Variants in EPM2AIP1 observed in about 807,000 individuals in gnomAD.
EPM2AIP1 encodes EPM2A interacting protein 1, also known as EPM2A-interacting protein 1.
In EPM2AIP1, 23 loss-of-function variants were observed where a neutral mutation model predicts 44.8. That is an observed-to-expected ratio of 0.51 (90% CI 0.37 to 0.73). The LOEUF (loss-of-function observed/expected upper bound fraction) is 0.73. Ranked by LOEUF, EPM2AIP1 falls within the 30% of genes least tolerant of loss-of-function variation. The pLI, the probability that EPM2AIP1 is intolerant of heterozygous loss-of-function variation, is 0.00. For synonymous variants in EPM2AIP1, 311 were observed against 284.3 expected (o/e 1.09, Z -0.94); for missense variants, 652 against 743.9 (o/e 0.88, Z 1.44).
In EPM2AIP1 at chr3:36,992,133, T is replaced by C. The variant is rs1483348115; in HGVS notation, c.945A>G (p.Arg315=). 6.2e-7 allele frequency: 1 copy of C among 1,614,038 alleles called. No individual in the cohort carries two copies. The highest frequency in any genetic ancestry group is 1.7e-5 in the Admixed American group (1 of 60,026). ...IVLIKTRGVR[R]PEFQTLLTES... ...CCGTTAGTAAAGTCTGAAATTCAGG[T>C]CGCCTAACGCCTCTGGTCTTAATCA... The change falls in exon 1 of 1, where the codon CGA becomes CGG. Residue 315 remains arginine, a synonymous_variant. Coordinates refer to ENST00000322716, the MANE Select transcript of EPM2AIP1 (RefSeq NM_014805.4). The surrounding 1 kb of genome is among the most constrained non-coding windows in gnomAD (Gnocchi z 5.3).
At position 36,992,761 on chromosome 3, in the gene EPM2AIP1, C is replaced by A. The variant is rs1330781450; in HGVS notation, c.317G>T (p.Arg106Leu). 6.2e-7 allele frequency: 1 copy of A among 1,613,756 alleles called. No homozygotes were observed. Among genetic ancestry groups the A allele is most frequent in the Middle Eastern group, 1.7e-4 (1 of 6,060 alleles). Residue 106 changes from arginine (R) to leucine (L), a missense_variant, in exon 1 of 1, where the codon CGC becomes CTC. Coordinates refer to ENST00000322716, the MANE Select transcript of EPM2AIP1 (RefSeq NM_014805.4). The surrounding 1 kb of genome is among the most constrained non-coding windows in gnomAD (Gnocchi z 5.3). ...GCCGCGACCCTTCAAGGCCAAGAGG[C>A]GGCAGAGCCCGAGGCCTGCACGAGC... ...RAARAGLGLCRLLALKGRGWG... is the reference protein window; with the variant it reads ...RAARAGLGLCLLLALKGRGWG...
chr3:36,989,275 C>T lies in EPM2AIP1; in HGVS notation c.*1979G>A, dbSNP rs1047429269. Reference sequence around the variant, plus strand: ...ATATTCAAAGCTATTGGGAAATTACCGGTAGATTTTTCTGTTTTTTTTTTT... The same window carrying T: ...ATATTCAAAGCTATTGGGAAATTACTGGTAGATTTTTCTGTTTTTTTTTTT... On this transcript the variant is annotated 3_prime_UTR_variant, in exon 1 of 1. Transcript: ENST00000322716. The T allele has an allele frequency of 2.0e-5, 3 of 150,664 alleles. No individual in the cohort carries two copies. Among genetic ancestry groups the T allele is most frequent in the African/African-American group, 7.3e-5 (3 of 41,062 alleles). 9.3% of individuals were successfully genotyped at this position (150,664 alleles called of 1,614,324 possible).
rs1255221823 is a variant in EPM2AIP1, at chr3:36,992,756, A to G, written c.322T>C (p.Leu108=). The change falls in exon 1 of 1, where the codon TTG becomes CTG. Residue 108 remains leucine, a synonymous_variant. Transcript: ENST00000322716. The surrounding 1 kb of genome is among the most constrained non-coding windows in gnomAD (Gnocchi z 5.3). ...ARAGLGLCRL[L]ALKGRGWGEG... ...CCCCAGCCGCGACCCTTCAAGGCCA[A>G]GAGGCGGCAGAGCCCGAGGCCTGCA... The G allele has an allele frequency of 6.2e-7, 1 of 1,613,746 alleles. No homozygotes were observed. Among genetic ancestry groups the G allele is most frequent in the African/African-American group, 1.3e-5 (1 of 74,946 alleles).
Position 36,992,647 on chromosome 3 carries a change from T to A in EPM2AIP1, c.431A>T (p.Asp144Val). ...PEHVSVLQGV[D>V]LSPDITRQRI... The stretch of plus-strand genomic sequence containing the variant: ...CTGCCTTGTGATATCTGGAGATAAG[T>A]CAACGCCTTGCAGGACGCTTACATG... The change falls in exon 1 of 1, where the codon GAC becomes GTC. Residue 144 changes from aspartate (D) to valine (V), a missense_variant. Transcript: ENST00000322716. The surrounding 1 kb of genome is among the most constrained non-coding windows in gnomAD (Gnocchi z 5.3). The A allele has an allele frequency of 6.2e-7, 1 of 1,614,022 alleles. No individual in the cohort carries two copies. Among genetic ancestry groups the A allele is most frequent in the Non-Finnish European group, 8.5e-7 (1 of 1,179,894 alleles).
At position 36,990,705 on chromosome 3, in the gene EPM2AIP1, G is replaced by C. The variant is rs375438196; in HGVS notation, c.*549C>G. 2.0e-6 allele frequency: 2 copies of C among 985,464 alleles called. No homozygotes were observed. Among genetic ancestry groups the C allele is most frequent in the Non-Finnish European group, 2.4e-6 (2 of 829,776 alleles). 61.0% of individuals were successfully genotyped at this position (985,464 alleles called of 1,614,324 possible). A position where few individuals can be genotyped will look rare whatever the true frequency, so the allele number is the denominator to read the frequency against. On this transcript the variant is annotated 3_prime_UTR_variant, in exon 1 of 1. Coordinates refer to ENST00000322716, the MANE Select transcript of EPM2AIP1 (RefSeq NM_014805.4). ...GAGGGAAGAGGGAAGAAATCTGTCA[G>C]TATTACCTTCGAACTCAGAAATGTT...
chr3:36,986,054 A>T lies in EPM2AIP1; in HGVS notation c.*5200T>A, dbSNP rs1165292016. On this transcript the variant is annotated 3_prime_UTR_variant, in exon 1 of 1. Transcript: ENST00000322716. ...GGCAAGCTAGCCCATGCTGACACAG[A>T]AATTGGTCCCTTGTTTTTTAAAATG... The T allele has an allele frequency of 6.6e-6, 1 of 152,212 alleles. No homozygotes were observed. The highest frequency in any genetic ancestry group is 1.5e-5 in the Non-Finnish European group (1 of 68,044). 9.4% of individuals were successfully genotyped at this position (152,212 alleles called of 1,614,324 possible). A position where few individuals can be genotyped will look rare whatever the true frequency, so the allele number is the denominator to read the frequency against.
Position 36,991,361 on chromosome 3 carries a change from G to A in EPM2AIP1, c.1717C>T (p.Gln573Ter). The part of the protein sequence containing the change: ...YLTRNQHTLS[Q>*]PLTDEHLQAL... ...TGGAGATGCTCATCTGTTAATGGCT[G>A]ACTCAAAGTGTGTTGGTTTCGAGTC... The change falls in exon 1 of 1, where the codon CAG becomes TAG. Residue 573 changes from glutamine to a stop codon, truncating the protein, a stop_gained. Coordinates refer to ENST00000322716, the MANE Select transcript of EPM2AIP1 (RefSeq NM_014805.4). LOFTEE classifies it high-confidence loss of function. 6.2e-7 allele frequency: 1 copy of A among 1,614,022 alleles called. No individual in the cohort carries two copies. The highest frequency in any genetic ancestry group is 2.2e-5 in the East Asian group (1 of 44,892).
chr3:36,992,924 G>C lies in EPM2AIP1; in HGVS notation c.154C>G (p.Arg52Gly), dbSNP rs747839067. ...CRRLIVATRE[R>G]DVRRHYEAEH... is the part of the protein sequence containing the mutation. ...GCCTCGTAGTGGCGCCTGACGTCGC[G>C]TTCGCGGGTAGCTACGATGAGGCGG... is the stretch of plus-strand genomic sequence containing the variant. Residue 52 changes from arginine to glycine, a missense_variant, in exon 1 of 1, where the codon CGC becomes GGC. Transcript: ENST00000322716. This position sits in a 1 kb window ranked among gnomAD's most constrained non-coding sequence, Gnocchi z 5.3. 4 of 1,612,654 alleles carry C rather than the reference G, an allele frequency of 2.5e-6. No homozygotes were observed. Among genetic ancestry groups the C allele is most frequent in the Admixed American group, 1.7e-5 (1 of 60,030 alleles).
At position 36,990,542 on chromosome 3, in the gene EPM2AIP1, TAAA is replaced by T. The variant is rs574750880; in HGVS notation, c.*709_*711del. 2.1e-6 allele frequency: 2 copies of T among 940,076 alleles called. No individual in the cohort carries two copies. The highest frequency in any genetic ancestry group is 9.8e-5 in the South Asian group (2 of 20,350). 58.2% of individuals were successfully genotyped at this position (940,076 alleles called of 1,614,324 possible). On this transcript the variant is annotated 3_prime_UTR_variant, in exon 1 of 1. Coordinates refer to ENST00000322716, the MANE Select transcript of EPM2AIP1 (RefSeq NM_014805.4). ...AGCTGATAAAATAGCCCCCAGTTAT[TAAA>T]AAAAAAATCCAAGGAAAACCCCCAA...
At position 36,988,017 on chromosome 3, in the gene EPM2AIP1, G is replaced by C. The variant is rs2080779670; in HGVS notation, c.*3237C>G. 1 of 152,210 alleles carries C rather than the reference G, an allele frequency of 6.6e-6. No homozygotes were observed. Among genetic ancestry groups the C allele is most frequent in the Non-Finnish European group, 1.5e-5 (1 of 68,038 alleles). 9.4% of individuals were successfully genotyped at this position (152,210 alleles called of 1,614,324 possible). Reference sequence around the variant, plus strand: ...TAACAATAAAGTGTGCCAAGTGTATGTCTGGGAAAGAACAGGGTGTATAGG... The same window carrying C: ...TAACAATAAAGTGTGCCAAGTGTATCTCTGGGAAAGAACAGGGTGTATAGG... On this transcript the variant is annotated 3_prime_UTR_variant, in exon 1 of 1. Coordinates refer to ENST00000322716, the MANE Select transcript of EPM2AIP1 (RefSeq NM_014805.4).
At position 36,992,438 on chromosome 3, in the gene EPM2AIP1, G is replaced by C; in HGVS notation, c.640C>G (p.Leu214Val). ...GCACCAACACTGAAATGATGAGTCA[G>C]GTTGATTATGGTCAGAAGATCTTCT... ...VQEDLLTIIN[L>V]THHFSVGALM... is the part of the protein sequence containing the mutation. The change falls in exon 1 of 1, where the codon CTG (leucine) becomes GTG (valine). Residue 214 changes from leucine (L) to valine (V), a missense_variant. Leu to Val is a conservative substitution (Grantham distance 32, BLOSUM62 1). Transcript: ENST00000322716. This position sits in a 1 kb window ranked among gnomAD's most constrained non-coding sequence, Gnocchi z 5.3. The C allele has an allele frequency of 1.2e-6, 2 of 1,613,972 alleles. No individual in the cohort carries two copies. The highest frequency in any genetic ancestry group is 1.7e-6 in the Non-Finnish European group (2 of 1,179,892).
In EPM2AIP1 at chr3:36,990,237, A is replaced by T; in HGVS notation, c.*1017T>A. On this transcript the variant is annotated 3_prime_UTR_variant, in exon 1 of 1. Coordinates refer to ENST00000322716, the MANE Select transcript of EPM2AIP1 (RefSeq NM_014805.4). ...AATGTGTACGACAGTTCCAAATTTT[A>T]GAATAAATCCATTTCTAGCATCTAA... The T allele has an allele frequency of 1.1e-5, 2 of 184,780 alleles. No individual in the cohort carries two copies. The highest frequency in any genetic ancestry group is 2.0e-5 in the Non-Finnish European group (2 of 97,694). The allele number at this position is 184,780 out of a possible 1,614,324, so 11.4% of individuals were successfully genotyped here.
Position 36,992,276 on chromosome 3 carries a change from C to CG in EPM2AIP1, c.801dup (p.Val268ArgfsTer24), listed in dbSNP as rs1195510541. The CG allele has an allele frequency of 6.2e-7, 1 of 1,613,842 alleles. No homozygotes were observed. The highest frequency in any genetic ancestry group is 8.5e-7 in the Non-Finnish European group (1 of 1,179,902). The stretch of plus-strand genomic sequence containing the variant: ...ATGACATTCCAACAGTTGGGGCTTA[C>CG]GGCCTTTTCTCTCATGTATGAGACG... On this transcript the variant is annotated frameshift_variant, in exon 1 of 1. Coordinates refer to ENST00000322716, the MANE Select transcript of EPM2AIP1 (RefSeq NM_014805.4). LOFTEE classifies it high-confidence loss of function. This position sits in a 1 kb window ranked among gnomAD's most constrained non-coding sequence, Gnocchi z 5.3.
chr3:36,991,005 A>G lies in EPM2AIP1; in HGVS notation c.*249T>C, dbSNP rs1283309197. 2 of 1,171,874 alleles carry G rather than the reference A, an allele frequency of 1.7e-6. No individual in the cohort carries two copies. The highest frequency in any genetic ancestry group is 3.2e-5 in the African/African-American group (2 of 63,362). The allele number at this position is 1,171,874 out of a possible 1,614,324, so 72.6% of individuals were successfully genotyped here. A position where few individuals can be genotyped will look rare whatever the true frequency, so the allele number is the denominator to read the frequency against. ...ATACTAAATCTCTTTAAAATTAACT[A>G]TATCATAAAAGACAATGACTTTGTC... On this transcript the variant is annotated 3_prime_UTR_variant, in exon 1 of 1. Coordinates refer to ENST00000322716, the MANE Select transcript of EPM2AIP1 (RefSeq NM_014805.4).
rs2080774154 is a variant in EPM2AIP1, at chr3:36,987,200, C to T, written c.*4054G>A. ...TCTTCTACTTTGTTAAATTTACTTACTTTTAAATCCCAGAAGAGCCAAAAA... is the reference window on the plus strand; with the variant it reads ...TCTTCTACTTTGTTAAATTTACTTATTTTTAAATCCCAGAAGAGCCAAAAA... On this transcript the variant is annotated 3_prime_UTR_variant, in exon 1 of 1. Coordinates refer to ENST00000322716, the MANE Select transcript of EPM2AIP1 (RefSeq NM_014805.4). 6.6e-6 allele frequency: 1 copy of T among 152,502 alleles called. No homozygotes were observed. The highest frequency in any genetic ancestry group is 2.4e-5 in the African/African-American group (1 of 41,408). 9.4% of individuals were successfully genotyped at this position (152,502 alleles called of 1,614,324 possible).
chr3:36,991,697 G>T lies in EPM2AIP1; in HGVS notation c.1381C>A (p.Gln461Lys). The change falls in exon 1 of 1, where the codon CAA becomes AAA. Residue 461 changes from glutamine (Q) to lysine (K), a missense_variant. Gln to Lys is a moderately conservative substitution (Grantham distance 53). Transcript: ENST00000322716. Reference protein sequence around the residue: ...DEKIFDPDRYQMVICRLQKEF... With the variant: ...DEKIFDPDRYKMVICRLQKEF... ...TTTTGGAGACGACAGATCACCATTT[G>T]ATACCTATCAGGATCAAATATTTTT... The T allele has an allele frequency of 6.2e-7, 1 of 1,613,256 alleles. No homozygotes were observed. Among genetic ancestry groups the T allele is most frequent in the Non-Finnish European group, 8.5e-7 (1 of 1,179,700 alleles).
rs1559495536 is a variant in EPM2AIP1, at chr3:36,991,080, C to A, written c.*174G>T. Reference sequence around the variant, plus strand: ...GGCATTCTCATGTTTCAGTCCCATGCTGCCATTTGAGATGAAAAAAAAGGC... The same window carrying A: ...GGCATTCTCATGTTTCAGTCCCATGATGCCATTTGAGATGAAAAAAAAGGC... On this transcript the variant is annotated 3_prime_UTR_variant, in exon 1 of 1. Coordinates refer to ENST00000322716, the MANE Select transcript of EPM2AIP1 (RefSeq NM_014805.4). 4 of 1,328,348 alleles carry A rather than the reference C, an allele frequency of 3.0e-6. No individual in the cohort carries two copies. The highest frequency in any genetic ancestry group is 2.9e-6 in the Non-Finnish European group (3 of 1,039,592). The allele number at this position is 1,328,348 out of a possible 1,614,324, so 82.3% of individuals were successfully genotyped here. A position where few individuals can be genotyped will look rare whatever the true frequency, so the allele number is the denominator to read the frequency against.
rs1288211959 is a variant in EPM2AIP1 at position 36,986,724 on chromosome 3, T to C, written c.*4530A>G. The C allele has an allele frequency of 3.4e-5, 5 of 147,574 alleles. No homozygotes were observed. The highest frequency in any genetic ancestry group is 5.9e-5 in the Non-Finnish European group (4 of 67,576). 9.1% of individuals were successfully genotyped at this position (147,574 alleles called of 1,614,324 possible). On this transcript the variant is annotated 3_prime_UTR_variant, in exon 1 of 1. Coordinates refer to ENST00000322716, the MANE Select transcript of EPM2AIP1 (RefSeq NM_014805.4). Reference sequence around the variant, plus strand: ...TTGAGCCAGGAAGGCAGAGATTGCATTGAGCTGAGATTGTACCTCTGCACT... The same window carrying C: ...TTGAGCCAGGAAGGCAGAGATTGCACTGAGCTGAGATTGTACCTCTGCACT...
Position 36,991,625 on chromosome 3 carries a change from A to G in EPM2AIP1, c.1453T>C (p.Leu485=). ...FKDLRFIKKD[L]ELFSNPFNFK... ...TTAAATGGATTTGAAAAAAGTTCTA[A>G]GTCCTTTTTAATGAACCTGAGGTCC... The change falls in exon 1 of 1, where the codon TTA becomes CTA. Residue 485 remains leucine (L), a synonymous_variant. Coordinates refer to ENST00000322716, the MANE Select transcript of EPM2AIP1 (RefSeq NM_014805.4). 6.2e-7 allele frequency: 1 copy of G among 1,613,502 alleles called. No individual in the cohort carries two copies. The highest frequency in any genetic ancestry group is 8.5e-7 in the Non-Finnish European group (1 of 1,179,790).
Sources: gnomAD v4.1 joint callset for allele counts on GRCh38, gnomAD v4.1.1 for gene constraint, Gnocchi (gnomAD v3.1) non-coding constraint, MANE v1.5 for transcripts, NCBI Gene and HGNC (gene_info 2026-07-23, HGNC 2026-07-21) for gene names.